CFAP20DC: variants seen among roughly 807,000 people sequenced by gnomAD.
The protein encoded by CFAP20DC is CFAP20 domain containing, also known as protein CFAP20DC.
In CFAP20DC, 84 loss-of-function variants were observed where a neutral mutation model predicts 101.7. The observed-to-expected ratio is 0.83, with a 90% CI of 0.69 to 0.99. The LOEUF (loss-of-function observed/expected upper bound fraction) is 0.99. Among genes scored for constraint, CFAP20DC ranks in the 50% least tolerant of loss-of-function variants. The pLI is 0.00. For missense variants in CFAP20DC, 1,007 were observed against 970.3 expected (o/e 1.04, Z -0.50); for synonymous variants, 359 against 351.2 (o/e 1.02, Z -0.25).
chr3:58,891,838 T>C (rs987328152), intron 6 of CFAP20DC, among the ~76,000 whole-genome samples: 5 of 152,354 alleles, frequency 3.3e-5, no homozygotes, highest in African/African-American at 1.2e-4. Flanking sequence ...TTTGAAACGC[T>C]TTTGTTGCAA....
chr3:58,753,472 G>C (rs140517491), intron 16 of CFAP20DC, among the ~76,000 whole-genome samples: 1 of 152,278 alleles, frequency 6.6e-6, no homozygotes, highest in Non-Finnish European at 1.5e-5. Flanking sequence ...GTGGGAACTG[G>C]TAGTGCTGAA....
Position 58,800,110 on chromosome 3 carries a change from C to T in CFAP20DC, c.2237+6285G>A, listed in dbSNP as rs868083700. 3.4e-4 allele frequency among the ~76,000 whole-genome samples: 51 copies of T among 152,184 alleles called. No homozygotes were observed. In the Middle Eastern group the frequency reaches 0.01, roughly 30 times the overall value. The stretch of plus-strand genomic sequence containing the variant: ...CCAGGGCCCCAAAAGCCAGGGTAAG[C>T]GTAATTTGGTCCTAAGGGCAATGGG... On this transcript the variant is annotated intron_variant, in intron 15 of 16. Coordinates refer to ENST00000482387, the MANE Select transcript of CFAP20DC (RefSeq NM_001394063.1).
At chr3:59,028,741 C>T (rs2093935813) in intron 4 of CFAP20DC, among the ~76,000 whole-genome samples, 1 of 152,214 alleles carries the variant, frequency 6.6e-6, no homozygotes, top group Admixed American at 6.5e-5. Flanking sequence ...ATTATGCCTA[C>T]TATCCAGGCT....
intron 4 of CFAP20DC, among the ~76,000 whole-genome samples, chr3:58,993,810 T>A (rs10084666): frequency 0.1 from 15,160 of 152,202 alleles, 2,497 homozygotes; most frequent in African/African-American, 0.34. Flanking sequence ...TATGTACCAT[T>A]CTTTCTTTAT....
chr3:58,880,207 C>A (rs1254967943), intron 7 of CFAP20DC, among the ~76,000 whole-genome samples: 1 of 152,100 alleles, frequency 6.6e-6, no homozygotes, highest in South Asian at 2.1e-4. Flanking sequence ...CTCTACTAGT[C>A]CCTGTTTTCA....
intron 7 of CFAP20DC, among the ~76,000 whole-genome samples, chr3:58,880,299 T>C (rs932541229): frequency 6.6e-6 from 1 of 152,182 alleles, no homozygotes; most frequent in African/African-American, 2.4e-5. Context: ...TTTATTTCTA[T>C]CAATGAGATC....
chr3:58,852,557 A>C (rs2078347781), intron 12 of CFAP20DC, among the ~76,000 whole-genome samples: 1 of 151,654 alleles, frequency 6.6e-6, no homozygotes, highest in African/African-American at 2.4e-5. Flanking sequence ...CACCACACCT[A>C]TTCCAAAATT....
At chr3:58,908,744 A>T (rs970134653) in intron 6 of CFAP20DC, among the ~76,000 whole-genome samples, 2 of 152,214 alleles carry the variant, frequency 1.3e-5, no homozygotes, top group Non-Finnish European at 2.9e-5. Context: ...GCCTGGAAGC[A>T]ATGAAGATGT....
Position 58,849,410 on chromosome 3 carries a change from C to A in CFAP20DC, c.1594-1G>T. 1 of 1,505,578 alleles carries A rather than the reference C, an allele frequency of 6.6e-7. No homozygotes were observed. Among genetic ancestry groups the A allele is most frequent in the South Asian group, 1.3e-5 (1 of 78,350 alleles). The allele number at this position is 1,505,578 out of a possible 1,614,324, so 93.3% of individuals were successfully genotyped here. On this transcript the variant is annotated splice_acceptor_variant, in intron 12 of 16. Transcript: ENST00000482387. LOFTEE classifies it high-confidence loss of function. ...GAGAACCCTGGATACTGTGGTTACC[C>A]TATGTTGGGGAACAAAGTAAAAATA...
chr3:58,797,886 A>T (rs1009368712), intron 15 of CFAP20DC, among the ~76,000 whole-genome samples: 1 of 152,184 alleles, frequency 6.6e-6, no homozygotes, highest in South Asian at 2.1e-4. Context: ...TAAAAGGACC[A>T]ACAAAGCCTG....
In CFAP20DC at chr3:59,007,925, T is replaced by G. The variant is rs753325349; in HGVS notation, c.278+31632A>C. Among the ~76,000 whole-genome samples the G allele has an allele frequency of 1.3e-5, 2 of 152,176 alleles. No homozygotes were observed. The highest frequency in any genetic ancestry group is 2.9e-5 in the Non-Finnish European group (2 of 68,036). Reference sequence around the variant, plus strand: ...TAGTTTCTCATAGCAGAGAAACAATTGCAATGTGGGGAGCAATAGGGAAAA... The same window carrying G: ...TAGTTTCTCATAGCAGAGAAACAATGGCAATGTGGGGAGCAATAGGGAAAA... On this transcript the variant is annotated intron_variant, in intron 4 of 16. Coordinates refer to ENST00000482387, the MANE Select transcript of CFAP20DC (RefSeq NM_001394063.1). The surrounding 1 kb of genome is among the most constrained non-coding windows in gnomAD (Gnocchi z 4.4).
intron 15 of CFAP20DC, among the ~76,000 whole-genome samples, chr3:58,778,003 T>C (rs567355589): frequency 6.6e-6 from 1 of 152,296 alleles, no homozygotes; most frequent in South Asian, 2.1e-4. Context: ...TAATCCCATA[T>C]CCTGCCTCCA....
intron 7 of CFAP20DC, among the ~76,000 whole-genome samples, chr3:58,878,362 T>C (rs1251671224): frequency 6.6e-6 from 1 of 152,190 alleles, no homozygotes; most frequent in East Asian, 1.9e-4. Flanking sequence ...AGACAATGTA[T>C]ACATATCATT....
intron 4 of CFAP20DC, among the ~76,000 whole-genome samples, chr3:58,989,306 T>C (rs907366577): frequency 1.8e-4 from 28 of 152,132 alleles, no homozygotes; most frequent in African/African-American, 6.8e-4. Context: ...AGAAAGCAAA[T>C]ATACAGAATT....
intron 4 of CFAP20DC, among the ~76,000 whole-genome samples, chr3:58,953,156 T>C (rs2090305283): frequency 6.6e-6 from 1 of 152,030 alleles, no homozygotes; most frequent in Admixed American, 6.6e-5. Context: ...TTGAGCGAAG[T>C]AGAGGTAGGA....
intron 13 of CFAP20DC, among the ~76,000 whole-genome samples, chr3:58,833,952 C>T (rs1445731759): frequency 1.3e-5 from 2 of 152,070 alleles, no homozygotes; most frequent in African/African-American, 4.8e-5. Context: ...CAAAAGGCCA[C>T]ATATTGTGTG....
At chr3:58,832,000 A>G in intron 13 of CFAP20DC, 111 bp from the exon 14 acceptor site, 1 of 856,400 alleles carries the variant, frequency 1.2e-6, no homozygotes, top group Non-Finnish European at 1.9e-6. Context: ...ACAGAGGCCC[A>G]AATCCCTAAC....
intron 4 of CFAP20DC, among the ~76,000 whole-genome samples, chr3:58,957,624 G>A (rs1418187371): frequency 6.6e-6 from 1 of 152,124 alleles, no homozygotes; most frequent in Middle Eastern, 3.2e-3. Flanking sequence ...ACAGATTAAT[G>A]GATAAAGACA....
At chr3:59,045,485 T>C (rs570968758) in intron 3 of CFAP20DC, among the ~76,000 whole-genome samples, 3 of 152,232 alleles carry the variant, frequency 2.0e-5, no homozygotes, top group Non-Finnish European at 2.9e-5. Context: ...ATAAATCATA[T>C]TCCTTAAATC....
Sources: allele counts gnomAD v4.1 joint callset (sites outside exome capture counted in the v4.1 genomes callset), GRCh38; gene constraint gnomAD v4.1.1; non-coding constraint Gnocchi (gnomAD v3.1); transcripts MANE v1.5; gene names NCBI Gene and HGNC (gene_info 2026-07-23, HGNC 2026-07-21).